UPP2: variants seen among roughly 807,000 people sequenced by gnomAD.
UPP2 encodes the protein UPase 2.
In UPP2, 23 loss-of-function variants were observed where a neutral mutation model predicts 26.7. The ratio of observed to expected loss-of-function variants is 0.86; its 90% confidence interval spans 0.62 to 1.22. UPP2 has a LOEUF of 1.22. Among genes scored for constraint, UPP2 ranks in the 50% most tolerant of loss-of-function variants. UPP2 has a pLI of 0.00. For missense variants in UPP2, 387 were observed against 396.7 expected (o/e 0.98, Z 0.21); for synonymous variants, 127 against 141.3 (o/e 0.90, Z 0.72).
intron 3 of UPP2, among the ~76,000 whole-genome samples, chr2:158,074,104 G>A (rs1330892137): frequency 6.6e-6 from 1 of 152,168 alleles, no homozygotes; most frequent in Non-Finnish European, 1.5e-5. Context: ...CTTGAGCTGG[G>A]ATGCAGAGGT....
At chr2:158,071,227 C>G (rs10933458) in intron 3 of UPP2, among the ~76,000 whole-genome samples, 87,981 of 151,492 alleles carry the variant, frequency 0.58, 25,947 homozygotes, top group African/African-American at 0.64. Context: ...AGCATCATCC[C>G]TCCCACAACC....
intron 3 of UPP2, among the ~76,000 whole-genome samples, chr2:158,088,954 G>C (rs1301828637): frequency 6.6e-6 from 1 of 152,188 alleles, no homozygotes; most frequent in East Asian, 1.9e-4. Flanking sequence ...TTTCATGTTG[G>C]TTGGCCTCCA....
At chr2:158,112,363 C>A (rs1457826870) in intron 2 of UPP2, among the ~76,000 whole-genome samples, 1 of 151,956 alleles carries the variant, frequency 6.6e-6, no homozygotes, top group Admixed American at 6.6e-5. Context: ...TGAAAAGAAT[C>A]ATCTCTTCAA....
chr2:158,107,351 G>A (rs1174922812), intron 2 of UPP2, among the ~76,000 whole-genome samples: 1 of 152,180 alleles, frequency 6.6e-6, no homozygotes, highest in African/African-American at 2.4e-5. Context: ...TTTTGGATGG[G>A]TTTAGCAGAT....
intron 3 of UPP2, among the ~76,000 whole-genome samples, chr2:158,087,036 T>G (rs1227097451): frequency 6.6e-6 from 1 of 152,140 alleles, no homozygotes; most frequent in Non-Finnish European, 1.5e-5. Context: ...TTAAATCCAT[T>G]CTTTGTTGAC....
intron 3 of UPP2, chr2:158,065,617 C>T (rs1682422379): frequency 1.7e-6 from 1 of 576,658 alleles, no homozygotes; most frequent in Non-Finnish European, 3.4e-6. Flanking sequence ...CTACACACAA[C>T]CCAACCAATG....
chr2:158,014,561 G>A (rs1683630642), intron 2 of UPP2, among the ~76,000 whole-genome samples: 1 of 152,130 alleles, frequency 6.6e-6, no homozygotes, highest in Non-Finnish European at 1.5e-5. Flanking sequence ...GAAAAGAAAT[G>A]TGTTTCTGAA....
chr2:158,065,927 T>C (rs1682427204), intron 3 of UPP2: 3 of 548,184 alleles, frequency 5.5e-6, no homozygotes, highest in Admixed American at 2.6e-5. Flanking sequence ...AAGATGATGA[T>C]GCAGTACAAT....
chr2:158,122,970 AG>A (rs1447513327), intron 5 of UPP2, among the ~76,000 whole-genome samples: 2 of 152,186 alleles, frequency 1.3e-5, no homozygotes, highest in African/African-American at 4.8e-5. Context: ...AGGGAGAAAA[AG>A]AGAGGAAAGA....
chr2:158,047,679 T>G (rs781523016), intron 3 of UPP2, among the ~76,000 whole-genome samples: 1 of 152,222 alleles, frequency 6.6e-6, no homozygotes, highest in Non-Finnish European at 1.5e-5. Flanking sequence ...CAGATCATGA[T>G]AGAGCCAAAT....
intron 6 of UPP2, among the ~76,000 whole-genome samples, chr2:158,134,246 A>G (rs896687766): frequency 6.6e-6 from 1 of 152,164 alleles, no homozygotes; most frequent in African/African-American, 2.4e-5. Flanking sequence ...TCCTGAGGTC[A>G]GCGTTCTATA....
chr2:158,022,394 C>G (rs7575665), intron 3 of UPP2, among the ~76,000 whole-genome samples: 51,944 of 147,776 alleles, frequency 0.35, 12,398 homozygotes, highest in African/African-American at 0.68. Context: ...GGGAGGCGGA[C>G]GTTGCAGTGA....
At chr2:158,079,048 A>G (rs542551267) in intron 3 of UPP2, among the ~76,000 whole-genome samples, 2 of 152,220 alleles carry the variant, frequency 1.3e-5, no homozygotes, top group South Asian at 4.1e-4. Context: ...AGATGGTTTT[A>G]TAAGAGGCTT....
At chr2:158,005,663 C>T (rs1683476835) in intron 2 of UPP2, among the ~76,000 whole-genome samples, 1 of 152,178 alleles carries the variant, frequency 6.6e-6, no homozygotes, top group Middle Eastern at 3.2e-3. Flanking sequence ...TTATATGGCT[C>T]TGCCATTTAC....
rs144873017 is a variant in UPP2, at chr2:157,998,532, C to T, written c.61+3273C>T. Among the ~76,000 whole-genome samples, 348 of 152,180 alleles carry T rather than the reference C, an allele frequency of 2.3e-3. 1 individual carries two copies. The highest frequency in any genetic ancestry group is 7.2e-3 in the African/African-American group (300 of 41,530). Reference sequence around the variant, plus strand: ...TAACATTTATTGAGGCCAGGCACAGCGGCTCATGCCTGTAATCCCAGCATT... The same window carrying T: ...TAACATTTATTGAGGCCAGGCACAGTGGCTCATGCCTGTAATCCCAGCATT... On this transcript the variant is annotated intron_variant, in intron 2 of 9. Transcript: ENST00000605860.
chr2:158,066,436 AATACTTGTGTATTTTTAGT>A (rs1682436368), intron 3 of UPP2, among the ~76,000 whole-genome samples: 1 of 152,242 alleles, frequency 6.6e-6, no homozygotes, highest in Admixed American at 6.5e-5. Context: ...CACCCGGCAC[AATACTTGTGTATTTTTAGT>A]ACCATACAGA....
intron 2 of UPP2, among the ~76,000 whole-genome samples, chr2:157,996,359 A>C (rs912546485): frequency 8.5e-5 from 13 of 152,226 alleles, no homozygotes; most frequent in African/African-American, 3.1e-4. Context: ...TTCTTGCTAA[A>C]TGATATTATT....
At chr2:158,058,068 C>T (rs1459795330) in intron 3 of UPP2, among the ~76,000 whole-genome samples, 16 of 151,884 alleles carry the variant, frequency 1.1e-4, no homozygotes, top group African/African-American at 2.4e-4. Context: ...CCAAGGCGGG[C>T]GGATCACGAG....
chr2:158,031,356 G>A (rs761287540), intron 3 of UPP2, among the ~76,000 whole-genome samples: 7 of 152,222 alleles, frequency 4.6e-5, no homozygotes, highest in Non-Finnish European at 7.3e-5. Context: ...CTAAACCTAC[G>A]TAAGGCATTG....
Sources: allele counts gnomAD v4.1 joint callset (sites outside exome capture counted in the v4.1 genomes callset), GRCh38; gene constraint gnomAD v4.1.1; transcripts MANE v1.5; gene names NCBI Gene and HGNC (gene_info 2026-07-23, HGNC 2026-07-21).